The following TTC6 variants were observed in gnomAD, a reference collection of about 807,000 sequenced individuals.
TTC6 encodes tetratricopeptide repeat domain 6, also known as tetratricopeptide repeat protein 6.
A neutral mutation model predicts 210.4 loss-of-function variants in TTC6; 172 were observed. The observed-to-expected ratio is 0.82, with a 90% CI of 0.72 to 0.93. The LOEUF (loss-of-function observed/expected upper bound fraction) is 0.93, where lower values mean the gene tolerates loss of function less well. Ranked by LOEUF, TTC6 falls within the 40% of genes least tolerant of loss-of-function variation. The pLI, the probability that TTC6 is intolerant of heterozygous loss-of-function variation, is 0.00. For synonymous variants in TTC6, 804 were observed against 819.6 expected (o/e 0.98, Z 0.32); for missense variants, 2,414 against 2,318.1 (o/e 1.04, Z -0.85).
chr14:37,786,260 G>A (rs1341733971), intron 14 of TTC6, among the ~76,000 whole-genome samples: 1 of 152,210 alleles, frequency 6.6e-6, no homozygotes, highest in Non-Finnish European at 1.5e-5. Flanking sequence ...TCCTTGAGCT[G>A]TGGTGGGCTC....
At chr14:37,797,034 A>G in intron 20 of TTC6, 87 bp downstream of exon 22, 1 of 1,191,724 alleles carries the variant, frequency 8.4e-7, no homozygotes. Context: ...TATTTTTCAC[A>G]AAATTAAGTC....
intron 1 of TTC6, among the ~76,000 whole-genome samples, chr14:37,648,520 C>G (rs1337441050): frequency 6.6e-6 from 1 of 151,288 alleles, no homozygotes; most frequent in Admixed American, 6.6e-5. Flanking sequence ...TTTTTTTCTT[C>G]TACTGCATTT....
At chr14:37,770,900 G>A (rs2096016138) in intron 14 of TTC6, among the ~76,000 whole-genome samples, 2 of 148,192 alleles carry the variant, frequency 1.3e-5, no homozygotes, top group South Asian at 2.3e-4. Context: ...TCCTAGTCTC[G>A]ATGGTCTTTA....
intron 29 of TTC6, 32 bp from the exon 32 acceptor site, chr14:37,841,413 T>C (rs2096209712): frequency 6.5e-7 from 1 of 1,547,492 alleles, no homozygotes; most frequent in Non-Finnish European, 8.7e-7. Flanking sequence ...AAGTTGCCAA[T>C]TAAAATATAT....
intron 1 of TTC6, among the ~76,000 whole-genome samples, chr14:37,679,437 A>G (rs1172289065): frequency 2.6e-5 from 4 of 152,100 alleles, no homozygotes; most frequent in African/African-American, 9.7e-5. Context: ...TGCAATTGTC[A>G]TTAGCTATGG....
chr14:37,734,919 T>G (rs2095897549), intron 7 of TTC6, among the ~76,000 whole-genome samples: 1 of 152,200 alleles, frequency 6.6e-6, no homozygotes, highest in Non-Finnish European at 1.5e-5. Flanking sequence ...AAAAGCATTC[T>G]TTTAAATATG....
At chr14:37,606,864 G>T in intron 2 of TTC6, 122 bp downstream of exon 2, 3 of 772,834 alleles carry the variant, frequency 3.9e-6, no homozygotes, top group Non-Finnish European at 4.7e-6. Flanking sequence ...TGTGGTGGCT[G>T]GTTTCTACAG....
At chr14:37,778,794 C>T (rs1373536401) in intron 14 of TTC6, among the ~76,000 whole-genome samples, 1 of 152,074 alleles carries the variant, frequency 6.6e-6, no homozygotes, top group Non-Finnish European at 1.5e-5. Context: ...GGTGTGGCCA[C>T]CCTGGGGTCC....
At chr14:37,778,731 C>T (rs1004822406) in intron 14 of TTC6, among the ~76,000 whole-genome samples, 17 of 152,214 alleles carry the variant, frequency 1.1e-4, no homozygotes, top group Non-Finnish European at 1.5e-4. Context: ...AGAGGTATGA[C>T]GTGGACCCCT....
chr14:37,642,585 C>T (rs2095694035), intron 1 of TTC6, among the ~76,000 whole-genome samples: 2 of 152,202 alleles, frequency 1.3e-5, no homozygotes, highest in African/African-American at 2.4e-5. Context: ...CAAGTACTTT[C>T]TCATCTTAGC....
chr14:37,705,898 A>G (rs1052845307), intron 5 of TTC6, among the ~76,000 whole-genome samples: 1 of 152,122 alleles, frequency 6.6e-6, no homozygotes, highest in South Asian at 2.1e-4. Context: ...GATCTTTGGT[A>G]CTCAAAGTAT....
intron 6 of TTC6, among the ~76,000 whole-genome samples, chr14:37,724,425 T>A (rs2095867656): frequency 6.6e-6 from 1 of 152,238 alleles, no homozygotes; most frequent in Non-Finnish European, 1.5e-5. Flanking sequence ...GATCCATCTC[T>A]AGATCATAAT....
Position 37,808,856 on chromosome 14 carries a change from C to G in TTC6, c.4569+10C>G, listed in dbSNP as rs1218332868. On this transcript the variant is annotated intron_variant, in intron 24 of 30. Transcript: ENST00000553443. ...AAGGGAACTTCAAATGGTAAGATGA[C>G]CATTTTAGTAAACAATGTGTTTAAA... 3.0e-6 allele frequency: 4 copies of G among 1,344,660 alleles called. No homozygotes were observed. The highest frequency in any genetic ancestry group is 4.2e-6 in the Non-Finnish European group (4 of 963,342). The allele number at this position is 1,344,660 out of a possible 1,614,324, so 83.3% of individuals were successfully genotyped here.
At chr14:37,627,676 G>A (rs1314561656) in intron 1 of TTC6, among the ~76,000 whole-genome samples, 2 of 152,162 alleles carry the variant, frequency 1.3e-5, no homozygotes, top group Non-Finnish European at 2.9e-5. Context: ...GTGTATATGT[G>A]CCACATTTTC....
chr14:37,633,330 A>G (rs1017297258), intron 1 of TTC6, among the ~76,000 whole-genome samples: 2 of 152,254 alleles, frequency 1.3e-5, no homozygotes, highest in South Asian at 2.1e-4. Context: ...CTGTAATGCA[A>G]TGTTCTTCAT....
At chr14:37,793,523 C>G (rs748093443) in intron 17 of TTC6, among the ~76,000 whole-genome samples, 1 of 152,172 alleles carries the variant, frequency 6.6e-6, no homozygotes, top group Non-Finnish European at 1.5e-5. Flanking sequence ...CCTTACTCTG[C>G]TGACAATGGA....
intron 1 of TTC6, among the ~76,000 whole-genome samples, chr14:37,663,258 C>T (rs2095741067): frequency 6.6e-6 from 1 of 151,998 alleles, no homozygotes; most frequent in Admixed American, 6.6e-5. Flanking sequence ...ATTGTGTATC[C>T]TGAAACTTTG....
rs549841456 is a variant in TTC6 at position 37,752,062 on chromosome 14, T to C, written c.3129+837T>C. Among the ~76,000 whole-genome samples, 7 of 152,170 alleles carry C rather than the reference T, an allele frequency of 4.6e-5. No homozygotes were observed. The East Asian group carries it at 9.7e-4, about 21-fold the overall frequency. On this transcript the variant is annotated intron_variant, in intron 13 of 30. Coordinates refer to ENST00000553443, the Ensembl canonical transcript of TTC6. ...GGATGGTCTCGATCTCCTGACCTCG[T>C]GATCCGCCCACCTTGGCCTCCCAAA...
At chr14:37,739,246 A>G (rs965449467) in intron 10 of TTC6, 91 bp downstream of exon 12, 15 of 1,253,136 alleles carry the variant, frequency 1.2e-5, no homozygotes, top group Admixed American at 8.7e-5. Flanking sequence ...TTATTATTTT[A>G]TTCTGCACTG....
Sources: allele counts gnomAD v4.1 joint callset (sites outside exome capture counted in the v4.1 genomes callset), GRCh38; gene constraint gnomAD v4.1.1; transcripts MANE v1.5; gene names NCBI Gene and HGNC (gene_info 2026-07-23, HGNC 2026-07-21).